The following GALNT17 variants were observed in gnomAD, a reference collection of about 807,000 sequenced individuals.
GALNT17 encodes UDP-GalNAc:polypeptide N-acetylgalactosaminyltransferase-like 3.
GALNT17 carries 29 observed loss-of-function variants against 63.7 expected under a neutral mutation model. That is an observed-to-expected ratio of 0.46 (90% confidence interval 0.34 to 0.62). The LOEUF (loss-of-function observed/expected upper bound fraction) is 0.62. GALNT17 is among the 20% of genes least tolerant of loss of function. The pLI is 0.01. For missense variants in GALNT17, 603 were observed against 799.6 expected, an observed-to-expected ratio of 0.75 and a Z score of 2.97; for synonymous variants, 305 against 318.3, an observed-to-expected ratio of 0.96 and a Z score of 0.45.
chr7:71,660,613 C>G (rs1790894060), intron 6 of GALNT17, among the ~76,000 whole-genome samples: 1 of 152,194 alleles, frequency 6.6e-6, no homozygotes, highest in South Asian at 2.1e-4. Context: ...GAAACATAAA[C>G]TGGATCGTTC....
chr7:71,215,947 T>C (rs1789468941), intron 1 of GALNT17, among the ~76,000 whole-genome samples: 1 of 152,078 alleles, frequency 6.6e-6, no homozygotes, highest in East Asian at 1.9e-4. Flanking sequence ...ACTTCCTCCC[T>C]TGGCCATTAG....
intron 8 of GALNT17, 135 bp from the exon 9 acceptor site, chr7:71,677,076 G>C: frequency 1.2e-6 from 1 of 835,408 alleles, no homozygotes. Flanking sequence ...AAAGATTTGA[G>C]CCCTGGTCCT....
chr7:71,592,563 C>CATAGCATACTAATATAAAATAAAATAAAA (rs373112898), intron 6 of GALNT17, among the ~76,000 whole-genome samples: 1 of 69,954 alleles, frequency 1.4e-5, no homozygotes, highest in Admixed American at 1.6e-4. Context: ...GCATAGCATA[C>CATAGCATACTAATATAAAATAAAATAAAA]TAAAATAAAA....
At chr7:71,285,507 G>T (rs9638616) in intron 1 of GALNT17, among the ~76,000 whole-genome samples, 57,605 of 152,072 alleles carry the variant, frequency 0.38, 11,300 homozygotes, top group Middle Eastern at 0.51. Context: ...TATTAAATGT[G>T]GTTATGGACT....
intron 1 of GALNT17, among the ~76,000 whole-genome samples, chr7:71,136,386 C>G (rs1787784235): frequency 6.6e-6 from 1 of 152,168 alleles, no homozygotes; most frequent in Non-Finnish European, 1.5e-5. Flanking sequence ...AGAGTGGGAG[C>G]CAGGCATTTT....
intron 1 of GALNT17, among the ~76,000 whole-genome samples, chr7:71,290,585 T>C (rs368958768): frequency 4.6e-5 from 7 of 152,298 alleles, no homozygotes; most frequent in African/African-American, 1.7e-4. Context: ...AAAGAGGCTG[T>C]CTGTAAAACA....
At chr7:71,208,576 G>A (rs900493902) in intron 1 of GALNT17, among the ~76,000 whole-genome samples, 1 of 150,912 alleles carries the variant, frequency 6.6e-6, no homozygotes, top group African/African-American at 2.4e-5. Flanking sequence ...TCAGCCTCCA[G>A]GGTAGCTGGG....
chr7:71,448,280 T>C (rs1211724450), intron 5 of GALNT17, among the ~76,000 whole-genome samples: 5 of 152,148 alleles, frequency 3.3e-5, no homozygotes, highest in Non-Finnish European at 5.9e-5. Flanking sequence ...ATATTTCTTT[T>C]TATTCATTGC....
rs1357451993 is a variant in GALNT17, at chr7:71,710,931, G to T, written c.1668+3G>T. On this transcript the variant is annotated splice_donor_region_variant and intron_variant, in intron 10 of 10. Coordinates refer to ENST00000333538, the MANE Select transcript of GALNT17 (RefSeq NM_022479.3). ...ACAAGCGCTGGAACTTCATCCAGGT[G>T]AGTGCTGTATGGACAGAGCCAGCAC... is the stretch of plus-strand genomic sequence containing the variant. 6.2e-7 allele frequency: 1 copy of T among 1,613,192 alleles called. No homozygotes were observed. Among genetic ancestry groups the T allele is most frequent in the Non-Finnish European group, 8.5e-7 (1 of 1,179,992 alleles).
At chr7:71,225,942 T>C (rs1789672364) in intron 1 of GALNT17, among the ~76,000 whole-genome samples, 1 of 152,216 alleles carries the variant, frequency 6.6e-6, no homozygotes, top group Non-Finnish European at 1.5e-5. Flanking sequence ...AAGTAAAGTA[T>C]AATTGCATTT....
chr7:71,548,812 C>CTT, intron 5 of GALNT17, among the ~76,000 whole-genome samples: 1 of 152,338 alleles, frequency 6.6e-6, no homozygotes, highest in Non-Finnish European at 1.5e-5. Context: ...GAAAGGAATG[C>CTT]TTTCATTAAG....
At chr7:71,544,391 C>A (rs1159065986) in intron 5 of GALNT17, among the ~76,000 whole-genome samples, 1 of 151,572 alleles carries the variant, frequency 6.6e-6, no homozygotes, top group African/African-American at 2.4e-5. Context: ...ATCCACCTGC[C>A]TCAGCCTCCC....
intron 5 of GALNT17, among the ~76,000 whole-genome samples, chr7:71,485,820 G>A (rs1167253695): frequency 6.6e-6 from 1 of 152,124 alleles, no homozygotes; most frequent in Non-Finnish European, 1.5e-5. Flanking sequence ...TGAAAAGGCT[G>A]GATGAATATT....
intron 1 of GALNT17, among the ~76,000 whole-genome samples, chr7:71,225,629 G>A (rs9638291): frequency 0.42 from 64,263 of 152,012 alleles, 14,020 homozygotes; most frequent in East Asian, 0.64. Context: ...AGTGGATGAC[G>A]TAACTTGTCG....
chr7:71,679,608 C>G (rs1191648097), intron 9 of GALNT17, among the ~76,000 whole-genome samples: 1 of 152,048 alleles, frequency 6.6e-6, no homozygotes, highest in South Asian at 2.1e-4. Flanking sequence ...GTGCTGGGGC[C>G]TGGGAGGTGG....
intron 5 of GALNT17, among the ~76,000 whole-genome samples, chr7:71,523,896 G>C (rs1788572180): frequency 1.3e-5 from 2 of 151,772 alleles, no homozygotes; most frequent in Admixed American, 1.3e-4. Flanking sequence ...GAGGTGGGCA[G>C]ATCACGAGGT....
At chr7:71,257,228 T>TC (rs74901860) in intron 1 of GALNT17, among the ~76,000 whole-genome samples, 1,529 of 152,326 alleles carry the variant, frequency 0.01, 67 homozygotes, top group Admixed American at 0.071. Context: ...TTCTGCATCC[T>TC]CATTTTTCAC....
chr7:71,645,916 C>T (rs1424166299), intron 6 of GALNT17, among the ~76,000 whole-genome samples: 1 of 152,112 alleles, frequency 6.6e-6, no homozygotes, highest in Non-Finnish European at 1.5e-5. Flanking sequence ...TGTGCCTAGG[C>T]CTAAGTGAAA....
intron 6 of GALNT17, among the ~76,000 whole-genome samples, chr7:71,617,371 G>T (rs546680077): frequency 6.6e-6 from 1 of 151,100 alleles, no homozygotes; most frequent in Non-Finnish European, 1.5e-5. Flanking sequence ...CACCAGGCTG[G>T]AGTGCAGTGG....
Sources: allele counts gnomAD v4.1 joint callset (sites outside exome capture counted in the v4.1 genomes callset), GRCh38; gene constraint gnomAD v4.1.1; transcripts MANE v1.5; gene names NCBI Gene and HGNC (gene_info 2026-07-23, HGNC 2026-07-21).